Variants in DSP observed in about 807,000 individuals in gnomAD.
The protein encoded by DSP is 250/210 kDa paraneoplastic pemphigus antigen.
DSP carries 114 observed loss-of-function variants against 290.6 expected under a neutral mutation model. The ratio of observed to expected loss-of-function variants is 0.39; its 90% CI spans 0.34 to 0.46. The LOEUF (loss-of-function observed/expected upper bound fraction) is 0.46. Among genes scored for constraint, DSP ranks in the 20% least tolerant of loss-of-function variants. The pLI is 0.99. For synonymous variants in DSP, 1,311 were observed against 1,316.4 expected, an observed-to-expected ratio of 1.00 and a Z score of 0.09; for missense variants, 3,230 against 3,495.8, an observed-to-expected ratio of 0.92 and a Z score of 1.92.
rs1758889507 is a variant in DSP, at chr6:7,567,258, T to G, written c.1045-96T>G. On this transcript the variant is annotated intron_variant, in intron 8 of 23. Coordinates refer to ENST00000379802, the MANE Select transcript of DSP (RefSeq NM_004415.4). ...GCTTGACTTAGAATGAGATAAAAAC[T>G]GCTTACTAGCTTTCATGCAGGCTCA... 1.6e-5 allele frequency: 16 copies of G among 971,702 alleles called. No individual in the cohort carries two copies. In the South Asian group the frequency reaches 1.8e-4, roughly 11 times the overall value. The allele number at this position is 971,702 out of a possible 1,614,324, so 60.2% of individuals were successfully genotyped here.
chr6:7,548,264 GA>G (rs1018495198), intron 1 of DSP, among the ~76,000 whole-genome samples: 74 of 144,416 alleles, frequency 5.1e-4, no homozygotes, highest in Middle Eastern at 3.5e-3. Context: ...GAGACTCCGT[GA>G]AAAAAAAAAA....
At position 7,583,726 on chromosome 6, in the gene DSP, A is replaced by G. The variant is rs752740718; in HGVS notation, c.6464A>G (p.Asp2155Gly). The G allele has an allele frequency of 9.3e-6, 15 of 1,613,998 alleles. No individual in the cohort carries two copies. The South Asian group carries it at 1.4e-4, about 15-fold the overall frequency. The part of the protein sequence containing the change: ...KDVALARGLI[D>G]RDLYRSLNDP... The stretch of plus-strand genomic sequence containing the variant: ...GTCGCCTTGGCCCGGGGGCTGATTG[A>G]TAGAGATTTGTATCGATCCCTGAAT... The change falls in exon 24 of 24, where the codon GAT becomes GGT. Residue 2155 changes from aspartate (D) to glycine (G), a missense_variant. By Grantham distance (94) the Asp-to-Gly change is moderately conservative. Coordinates refer to ENST00000379802, the MANE Select transcript of DSP (RefSeq NM_004415.4). The surrounding 1 kb of genome is among the most constrained non-coding windows in gnomAD (Gnocchi z 4.0).
Position 7,577,774 on chromosome 6 carries a change from T to C in DSP, c.2878-5T>C. The C allele has an allele frequency of 6.2e-7, 1 of 1,611,746 alleles. No homozygotes were observed. Among genetic ancestry groups the C allele is most frequent in the Non-Finnish European group, 8.5e-7 (1 of 1,177,878 alleles). ...ACACTTTTCTTAAACTTCATTATGC[T>C]GCAGGATTATGAGCTCCAGCTGGCC... is the stretch of plus-strand genomic sequence containing the variant. On this transcript the variant is annotated splice_polypyrimidine_tract_variant and splice_region_variant and intron_variant, in intron 20 of 23. Transcript: ENST00000379802.
intron 11 of DSP, 34 bp from the exon 12 acceptor site, chr6:7,569,152 A>T (rs1438287139): frequency 6.2e-7 from 1 of 1,614,040 alleles, no homozygotes; most frequent in African/African-American, 1.3e-5. Flanking sequence ...ATACTTATGA[A>T]TAAAGCCAAA....
At chr6:7,543,104 G>C (rs1758061479) in intron 1 of DSP, among the ~76,000 whole-genome samples, 1 of 152,174 alleles carries the variant, frequency 6.6e-6, no homozygotes. Context: ...ACCGGGTCTC[G>C]GGAGCTGGAC....
At chr6:7,560,530 C>A (rs1306913683) in intron 4 of DSP, among the ~76,000 whole-genome samples, 1 of 152,136 alleles carries the variant, frequency 6.6e-6, no homozygotes, top group African/African-American at 2.4e-5. Context: ...ATATGTAGTG[C>A]CACCCAAGGG....
intron 21 of DSP, 95 bp from the exon 22 acceptor site, chr6:7,578,369 A>T: frequency 9.5e-7 from 1 of 1,049,528 alleles, no homozygotes; most frequent in Non-Finnish European, 1.5e-6. Context: ...CACTCTTTAT[A>T]ATTTCACTAT....
intron 1 of DSP, among the ~76,000 whole-genome samples, chr6:7,552,133 C>T (rs148836531): frequency 1.2e-3 from 185 of 152,228 alleles, no homozygotes; most frequent in African/African-American, 4.2e-3. Context: ...TTCATTGTTC[C>T]AACACTTAAG....
chr6:7,577,473 C>A (rs1468859138), intron 20 of DSP, among the ~76,000 whole-genome samples: 1 of 152,142 alleles, frequency 6.6e-6, no homozygotes, highest in Non-Finnish European at 1.5e-5. Context: ...GGATTACAGG[C>A]ATGCACCACC....
At chr6:7,562,988 A>G (rs1318360128) in intron 5 of DSP, among the ~76,000 whole-genome samples, 3 of 152,250 alleles carry the variant, frequency 2.0e-5, no homozygotes, top group Admixed American at 2.0e-4. Context: ...GAGTTAAACC[A>G]GAGGCTGAGG....
intron 15 of DSP, among the ~76,000 whole-genome samples, chr6:7,573,258 T>TGG (rs1759116083): frequency 6.6e-6 from 1 of 152,100 alleles, no homozygotes; most frequent in East Asian, 1.9e-4. Context: ...ACACACACAG[T>TGG]GGGGTACTAT....
intron 1 of DSP, among the ~76,000 whole-genome samples, chr6:7,551,037 G>T (rs1011729027): frequency 6.6e-6 from 1 of 151,924 alleles, no homozygotes; most frequent in African/African-American, 2.4e-5. Context: ...ATAGAATTTT[G>T]CATTTTCCCA....
At chr6:7,551,603 CTGGGCGACAGAG>C (rs1213857570) in intron 1 of DSP, among the ~76,000 whole-genome samples, 2 of 151,418 alleles carry the variant, frequency 1.3e-5, no homozygotes, top group Non-Finnish European at 2.9e-5. Context: ...GCACTCCAGC[CTGGGCGACAGAG>C]TGAGACTCCT....
At chr6:7,558,312 C>G in intron 3 of DSP, 48 bp downstream of exon 3, 1 of 1,588,106 alleles carries the variant, frequency 6.3e-7, no homozygotes, top group Non-Finnish European at 8.6e-7. Flanking sequence ...AAAAAGAACA[C>G]CACATAACCA....
At chr6:7,543,267 C>A (rs1278326959) in intron 1 of DSP, among the ~76,000 whole-genome samples, 1 of 152,098 alleles carries the variant, frequency 6.6e-6, no homozygotes, top group Middle Eastern at 3.2e-3. Context: ...GGAGGAGCAA[C>A]CTGAATGCGC....
intron 21 of DSP, among the ~76,000 whole-genome samples, 151 bp from the exon 22 acceptor site, chr6:7,578,298 CCTTTGTTTTGCTGTA>C (rs2113689685): frequency 6.6e-6 from 1 of 152,220 alleles, no homozygotes; most frequent in South Asian, 2.1e-4. Flanking sequence ...CATTTTTGGC[CCTTTGTTTTGCTGTA>C]CTTTCTTTTG....
At chr6:7,547,174 C>T (rs926783548) in intron 1 of DSP, among the ~76,000 whole-genome samples, 5 of 151,984 alleles carry the variant, frequency 3.3e-5, no homozygotes, top group African/African-American at 7.3e-5. Context: ...GTGGCCCTGC[C>T]GCTTGAAAAC....
intron 23 of DSP, 106 bp downstream of exon 23, chr6:7,581,675 A>C: frequency 3.3e-6 from 5 of 1,497,818 alleles, no homozygotes; most frequent in Non-Finnish European, 4.5e-6. Context: ...GCTTATAGAA[A>C]ATCTAATTTT....
chr6:7,545,772 G>C (rs1214247324), intron 1 of DSP, among the ~76,000 whole-genome samples: 3 of 152,248 alleles, frequency 2.0e-5, no homozygotes, highest in Non-Finnish European at 4.4e-5. Flanking sequence ...TATAAAGGAA[G>C]TGGTGTCGAA....
Sources: allele counts gnomAD v4.1 joint callset (sites outside exome capture counted in the v4.1 genomes callset), GRCh38; gene constraint gnomAD v4.1.1; non-coding constraint Gnocchi (gnomAD v3.1); transcripts MANE v1.5; gene names NCBI Gene and HGNC (gene_info 2026-07-23, HGNC 2026-07-21).